MYCBP2: variants seen among roughly 807,000 people sequenced by gnomAD.
MYCBP2 encodes the protein MYC binding protein 2, also known as E3 ubiquitin-protein ligase MYCBP2.
In MYCBP2, 120 loss-of-function variants were observed where a neutral mutation model predicts 525.3. The ratio of observed to expected loss-of-function variants is 0.23; its 90% CI spans 0.20 to 0.27. MYCBP2 has a LOEUF of 0.27. Ranked by LOEUF, MYCBP2 falls within the 10% of genes least tolerant of loss-of-function variation. MYCBP2 has a pLI of 1.00. For missense variants in MYCBP2, 4,149 were observed against 5,657.1 expected (o/e 0.73, Z 8.55); for synonymous variants, 1,894 against 1,955.8 (o/e 0.97, Z 0.83).
In MYCBP2 at chr13:77,194,167, A is replaced by G; in HGVS notation, c.3921T>C (p.Tyr1307=). The G allele has an allele frequency of 6.2e-7, 1 of 1,612,416 alleles. No individual in the cohort carries two copies. The highest frequency in any genetic ancestry group is 1.1e-5 in the South Asian group (1 of 90,970). The change falls in exon 27 of 83, where the codon TAT becomes TAC. Residue 1307 remains tyrosine, a synonymous_variant. Coordinates refer to ENST00000544440, the MANE Select transcript of MYCBP2 (RefSeq NM_015057.5). ...AAATTATTTACCTAGCAGCACAGTC[A>G]TAAGCCAATACATCAGTCTCTGCAA... ...DLLAETDVLA[Y]DCAAREKYAM... is the part of the protein sequence containing the mutation.
chr13:77,246,374 C>CA (rs945473636), intron 15 of MYCBP2, among the ~76,000 whole-genome samples: 14 of 151,558 alleles, frequency 9.2e-5, no homozygotes, highest in African/African-American at 3.4e-4. Context: ...CAAAATTTTC[C>CA]AAAAAACTGA....
chr13:77,291,244 C>A (rs72628065), intron 2 of MYCBP2, among the ~76,000 whole-genome samples: 14,160 of 151,854 alleles, frequency 0.093, 703 homozygotes, highest in East Asian at 0.13. Context: ...CATTTCACAT[C>A]AAAAAAATAA....
At chr13:77,071,448 A>G (rs1328509814) in intron 68 of MYCBP2, among the ~76,000 whole-genome samples, 5 of 152,172 alleles carry the variant, frequency 3.3e-5, no homozygotes, top group African/African-American at 1.2e-4. Flanking sequence ...CTTAAGATAG[A>G]GAGCCAGAAG....
chr13:77,268,021 T>C, intron 7 of MYCBP2, 84 bp from the exon 8 acceptor site: 1 of 760,300 alleles, frequency 1.3e-6, no homozygotes, highest in Non-Finnish European at 2.2e-6. Context: ...ATATTACAGG[T>C]TTTTGAGGTA....
intron 8 of MYCBP2, among the ~76,000 whole-genome samples, chr13:77,266,977 A>G (rs186175382): frequency 7.2e-5 from 11 of 152,066 alleles, no homozygotes; most frequent in Non-Finnish European, 1.3e-4. Flanking sequence ...TTAAAAATAA[A>G]CATGCAGCCC....
In MYCBP2 at chr13:77,150,834, G is replaced by C; in HGVS notation, c.7031C>G (p.Thr2344Ser). The change falls in exon 47 of 83, where the codon ACT becomes AGT. Residue 2344 changes from threonine (T) to serine (S), a missense_variant. Physicochemically the swap from Thr to Ser is moderately conservative, Grantham distance 58 (BLOSUM62 1). Transcript: ENST00000544440. ...TGCCAGCCCTCCATAAGTCATGTCA[G>C]TATTAGAAGATGCAGCTGTTACTGC... Reference protein sequence around the residue: ...SPAVTAASSNTDMTYGGLASP... With the variant: ...SPAVTAASSNSDMTYGGLASP... 1 of 1,614,108 alleles carries C rather than the reference G, an allele frequency of 6.2e-7. No homozygotes were observed. Among genetic ancestry groups the C allele is most frequent in the East Asian group, 2.2e-5 (1 of 44,860 alleles).
chr13:77,171,498 CAGCAAG>C lies in MYCBP2; in HGVS notation c.5782_5787del (p.Leu1928_Ala1929del). 1 of 1,611,704 alleles carries C rather than the reference CAGCAAG, an allele frequency of 6.2e-7. No individual in the cohort carries two copies. Among genetic ancestry groups the C allele is most frequent in the Non-Finnish European group, 8.5e-7 (1 of 1,179,082 alleles). On this transcript the variant is annotated inframe_deletion, in exon 38 of 83. Transcript: ENST00000544440. ...GAGAAAGAAAAAATATTACCATCCACAGCAAGAGCTCTGTGCAGGAGGTCCTTAGAG... is the reference window on the plus strand; with the variant it reads ...GAGAAAGAAAAAATATTACCATCCACAGCTCTGTGCAGGAGGTCCTTAGAG...
intron 17 of MYCBP2, among the ~76,000 whole-genome samples, chr13:77,240,568 G>A (rs182707970): frequency 3.2e-3 from 481 of 152,192 alleles, no homozygotes; most frequent in Non-Finnish European, 5.1e-3. Flanking sequence ...AGATTGTGCA[G>A]CTGCACTCCA....
intron 1 of MYCBP2, among the ~76,000 whole-genome samples, chr13:77,303,280 C>T (rs1295848514): frequency 2.0e-5 from 3 of 152,204 alleles, no homozygotes; most frequent in Admixed American, 6.5e-5. Flanking sequence ...TTGCAGTGTG[C>T]GTAGATCACA....
Position 77,081,408 on chromosome 13 carries a change from A to G in MYCBP2, c.11418+19T>C, listed in dbSNP as rs146618319. 824 of 1,602,332 alleles carry G rather than the reference A, an allele frequency of 5.1e-4. 3 individuals carry two copies. The African/African-American group carries it at 9.9e-3, about 19-fold the overall frequency. On this transcript the variant is annotated intron_variant, in intron 65 of 82. Coordinates refer to ENST00000544440, the MANE Select transcript of MYCBP2 (RefSeq NM_015057.5). The surrounding 1 kb of genome is among the most constrained non-coding windows in gnomAD (Gnocchi z 4.6). ...TCTGAAAAGAGCTAAAGAGCCGTAA[A>G]TCACGTTTGCTTTCTTACCCCAAGA... is the stretch of plus-strand genomic sequence containing the variant.
chr13:77,047,636 C>G (rs1297436613), intron 82 of MYCBP2, among the ~76,000 whole-genome samples: 1 of 152,190 alleles, frequency 6.6e-6, no homozygotes, highest in Non-Finnish European at 1.5e-5. Context: ...GATGAGGGAA[C>G]TAGCACAGGG....
rs1238983392 is a variant in MYCBP2, at chr13:77,088,984, G to C, written c.10573C>G (p.Leu3525Val). 6.2e-7 allele frequency: 1 copy of C among 1,613,280 alleles called. No individual in the cohort carries two copies. Among genetic ancestry groups the C allele is most frequent in the Non-Finnish European group, 8.5e-7 (1 of 1,179,516 alleles). The change falls in exon 61 of 83, where the codon CTA (leucine) becomes GTA (valine). Residue 3525 changes from leucine to valine, a missense_variant. Leu to Val is a conservative substitution (Grantham distance 32). Coordinates refer to ENST00000544440, the MANE Select transcript of MYCBP2 (RefSeq NM_015057.5). ...GAAAGAGAGCTGTGGGCTGAGATTA[G>C]CCGAGAAAGCTCAGGAGACGGATGT... ...LRHPSPELSR[L>V]ISAHSSLSKG...
intron 1 of MYCBP2, among the ~76,000 whole-genome samples, chr13:77,315,048 A>C (rs755090223): frequency 5.3e-5 from 8 of 152,220 alleles, no homozygotes; most frequent in Non-Finnish European, 1.0e-4. Context: ...AGAAGTATGA[A>C]ATGAATGAAC....
At chr13:77,139,592 T>C (rs1222292799) in intron 51 of MYCBP2, among the ~76,000 whole-genome samples, 1 of 152,218 alleles carries the variant, frequency 6.6e-6, no homozygotes, top group Non-Finnish European at 1.5e-5. Flanking sequence ...AACCACACTT[T>C]AAGATACATA....
intron 45 of MYCBP2, among the ~76,000 whole-genome samples, chr13:77,157,512 T>C (rs1343079605): frequency 2.0e-5 from 3 of 152,122 alleles, no homozygotes; most frequent in Admixed American, 6.5e-5. Context: ...GCATGAGCCA[T>C]TGCACCTGGT....
intron 29 of MYCBP2, among the ~76,000 whole-genome samples, chr13:77,189,315 C>T (rs2061063311): frequency 6.6e-6 from 1 of 152,012 alleles, no homozygotes; most frequent in African/African-American, 2.4e-5. Flanking sequence ...ATGTATATAA[C>T]ATATAACTTA....
intron 56 of MYCBP2, among the ~76,000 whole-genome samples, chr13:77,097,002 A>G (rs951526275): frequency 6.6e-6 from 1 of 152,190 alleles, no homozygotes; most frequent in African/African-American, 2.4e-5. Context: ...AATCAATCTA[A>G]TCTAATTTAA....
intron 32 of MYCBP2, among the ~76,000 whole-genome samples, chr13:77,183,064 C>A (rs776246700): frequency 6.6e-6 from 1 of 152,010 alleles, no homozygotes. Context: ...TAAATTACAT[C>A]GATTTTCAAT....
intron 44 of MYCBP2, among the ~76,000 whole-genome samples, chr13:77,161,199 C>G (rs9593211): frequency 0.027 from 4,045 of 152,244 alleles, 193 homozygotes; most frequent in African/African-American, 0.091. Flanking sequence ...CATCCTATTA[C>G]AGATTACTAG....
Sources: gnomAD v4.1 joint callset for allele counts (sites outside exome capture counted in the v4.1 genomes callset) on GRCh38, gnomAD v4.1.1 for gene constraint, Gnocchi (gnomAD v3.1) non-coding constraint, MANE v1.5 for transcripts, NCBI Gene and HGNC (gene_info 2026-07-23, HGNC 2026-07-21) for gene names.